SLC35A5: variants seen among roughly 807,000 people sequenced by gnomAD.
The protein encoded by SLC35A5 is solute carrier family 35 member A5, also known as UDP-sugar transporter protein SLC35A5.
Under a neutral mutation model 36.3 loss-of-function variants are expected in SLC35A5, and 28 were observed. The observed-to-expected ratio is 0.77, with a 90% CI of 0.57 to 1.06. SLC35A5 has a LOEUF of 1.06. Ranked by LOEUF, SLC35A5 falls within the 50% of genes least tolerant of loss-of-function variation. The probability of loss-of-function intolerance (pLI) is 0.00; values close to 1 mark genes in which losing one functional copy is unlikely to be tolerated. For synonymous variants in SLC35A5, 180 were observed against 173.7 expected (o/e 1.04, Z -0.29); for missense variants, 521 against 499.3 (o/e 1.04, Z -0.41).
chr3:112,575,946 G>A (rs895942305), intron 5 of SLC35A5, among the ~76,000 whole-genome samples: 3 of 151,814 alleles, frequency 2.0e-5, no homozygotes, highest in Non-Finnish European at 4.4e-5. Context: ...TTTTAGTAGA[G>A]ACAGAGTTTC....
rs988735832 is a variant in SLC35A5 at position 112,573,794 on chromosome 3, A to G, written c.361-95A>G. On this transcript the variant is annotated intron_variant, in intron 4 of 6. Transcript: ENST00000492406. ...TTAATAACCCCTCTGTTTTTTGACC[A>G]AAAAGCTTTTTTTGTCAGGTGAACT... The G allele has an allele frequency of 1.2e-5, 12 of 1,015,560 alleles. No homozygotes were observed. In the African/African-American group the frequency reaches 1.3e-4, roughly 11 times the overall value. 62.9% of individuals were successfully genotyped at this position (1,015,560 alleles called of 1,614,324 possible).
intron 5 of SLC35A5, among the ~76,000 whole-genome samples, chr3:112,574,856 A>C (rs1028344743): frequency 6.6e-6 from 1 of 152,090 alleles, no homozygotes; most frequent in Non-Finnish European, 1.5e-5. Flanking sequence ...TTTTACCCTG[A>C]GGAAACATTT....
chr3:112,576,417 G>A (rs1242528116), intron 5 of SLC35A5, among the ~76,000 whole-genome samples: 3 of 148,306 alleles, frequency 2.0e-5, no homozygotes, highest in African/African-American at 7.5e-5. Context: ...GAGCCACCGC[G>A]TCCAGCCCAT....
intron 2 of SLC35A5, among the ~76,000 whole-genome samples, chr3:112,568,962 C>G (rs1184739880): frequency 3.9e-5 from 6 of 151,962 alleles, no homozygotes; most frequent in African/African-American, 1.5e-4. Context: ...TTAACAAATT[C>G]AAGGATAATA....
In SLC35A5 at chr3:112,569,750, T is replaced by G. The variant is rs535727927; in HGVS notation, c.229+481T>G. Among the ~76,000 whole-genome samples the G allele has an allele frequency of 1.7e-3, 265 of 152,352 alleles. No homozygotes were observed. The Middle Eastern group carries it at 0.02, about 12-fold the overall frequency. ...GGGATACTAATTCCTTTCTCAAATGTAAAGTATATAGCCTTCCATGGAATG... is the reference window on the plus strand; with the variant it reads ...GGGATACTAATTCCTTTCTCAAATGGAAAGTATATAGCCTTCCATGGAATG... On this transcript the variant is annotated intron_variant, in intron 3 of 6. Coordinates refer to ENST00000492406, the MANE Select transcript of SLC35A5 (RefSeq NM_017945.5).
At chr3:112,565,361 C>T (rs1164195511) in intron 2 of SLC35A5, among the ~76,000 whole-genome samples, 1 of 152,140 alleles carries the variant, frequency 6.6e-6, no homozygotes, top group Non-Finnish European at 1.5e-5. Context: ...TCAGTTGATC[C>T]ACTAGAAGTC....
At chr3:112,561,612 G>C (rs553534171), upstream of SLC35A5, 2 of 1,381,192 alleles carry the variant, frequency 1.4e-6, no homozygotes, top group African/African-American at 2.9e-5. Flanking sequence ...AAATGTCCTC[G>C]CTGCCACCGA....
chr3:112,578,948 A>C (rs1185717154), intron 5 of SLC35A5, among the ~76,000 whole-genome samples: 1 of 152,132 alleles, frequency 6.6e-6, no homozygotes, highest in Non-Finnish European at 1.5e-5. Flanking sequence ...CAGAAATTTA[A>C]GTGGTTAGTT....
Position 112,584,091 on chromosome 3 carries a change from A to G in SLC35A5, c.*1355A>G, listed in dbSNP as rs1935052361. 1 of 152,186 alleles carries G rather than the reference A, an allele frequency of 6.6e-6. No individual in the cohort carries two copies. Among genetic ancestry groups the G allele is most frequent in the Non-Finnish European group, 1.5e-5 (1 of 68,022 alleles). The allele number at this position is 152,186 out of a possible 1,614,324, so 9.4% of individuals were successfully genotyped here. ...TATACTATTATATAATTCATTTGTGATATCCACAATAATATGACTGGCAAG... is the reference window on the plus strand; with the variant it reads ...TATACTATTATATAATTCATTTGTGGTATCCACAATAATATGACTGGCAAG... On this transcript the variant is annotated 3_prime_UTR_variant, in exon 7 of 7. Coordinates refer to ENST00000492406, the MANE Select transcript of SLC35A5 (RefSeq NM_017945.5).
intron 1 of SLC35A5, among the ~76,000 whole-genome samples, chr3:112,562,711 A>C (rs941586039): frequency 7.2e-5 from 11 of 152,216 alleles, no homozygotes; most frequent in African/African-American, 2.7e-4. Context: ...TCCGAGGGAA[A>C]AGAGGAGGAA....
intron 2 of SLC35A5, among the ~76,000 whole-genome samples, chr3:112,568,269 T>A (rs567445875): frequency 6.6e-6 from 1 of 152,224 alleles, no homozygotes; most frequent in African/African-American, 2.4e-5. Flanking sequence ...GGATAGACAG[T>A]GTCCACTTGG....
At position 112,581,268 on chromosome 3, in the gene SLC35A5, C is replaced by T; in HGVS notation, c.1151C>T (p.Ala384Val). 6.2e-7 allele frequency: 1 copy of T among 1,613,586 alleles called. No homozygotes were observed. Among genetic ancestry groups the T allele is most frequent in the Non-Finnish European group, 8.5e-7 (1 of 1,179,786 alleles). ...AGCAAGCCTCAAGTTCCGGAATACG[C>T]ACCTAGGCAAGAAAGGATCCGAGAT... ...NASKPQVPEYAPRQERIRDLS... is the reference protein window; with the variant it reads ...NASKPQVPEYVPRQERIRDLS... Residue 384 changes from alanine (A) to valine (V), a missense_variant, in exon 6 of 7, where the codon GCA (alanine) becomes GTA (valine). Coordinates refer to ENST00000492406, the MANE Select transcript of SLC35A5 (RefSeq NM_017945.5).
At chr3:112,561,745 C>G, upstream of SLC35A5, 1 of 549,902 alleles carries the variant, frequency 1.8e-6, no homozygotes. Context: ...TCCTCGCACC[C>G]CAGGCAGCCC....
rs973023965 is a variant in SLC35A5 at position 112,580,876 on chromosome 3, A to C, written c.759A>C (p.Ile253=). The change falls in exon 6 of 7, where the codon ATA becomes ATC. Residue 253 remains isoleucine, a synonymous_variant. Coordinates refer to ENST00000492406, the MANE Select transcript of SLC35A5 (RefSeq NM_017945.5). The part of the protein sequence containing the change: ...SSMANIYNEK[I]LKEGNQLTES... The stretch of plus-strand genomic sequence containing the variant: ...TGGCTAATATCTATAATGAAAAGAT[A>C]CTGAAGGAAGGGAACCAGCTCACTG... The C allele has an allele frequency of 1.4e-5, 23 of 1,614,182 alleles. No homozygotes were observed. The highest frequency in any genetic ancestry group is 1.9e-5 in the Non-Finnish European group (23 of 1,180,002).
At chr3:112,563,578 A>G (rs747069663) in intron 2 of SLC35A5, 45 bp downstream of exon 2, 1 of 1,500,838 alleles carries the variant, frequency 6.7e-7, no homozygotes, top group Non-Finnish European at 9.0e-7. Context: ...CCATCTAATC[A>G]CACATCTCTC....
At chr3:112,576,566 C>T (rs1239771586) in intron 5 of SLC35A5, among the ~76,000 whole-genome samples, 1 of 152,196 alleles carries the variant, frequency 6.6e-6, no homozygotes, top group Non-Finnish European at 1.5e-5. Context: ...ACCCTAACCC[C>T]TGATAACTAC....
At chr3:112,564,607 C>A (rs1934108037) in intron 2 of SLC35A5, among the ~76,000 whole-genome samples, 1 of 152,276 alleles carries the variant, frequency 6.6e-6, no homozygotes, top group Admixed American at 6.5e-5. Context: ...TTTTACTAAT[C>A]CTCCTCAGCA....
chr3:112,562,089 A>G lies in SLC35A5; in HGVS notation c.-204A>G, dbSNP rs571648518. 396 of 158,800 alleles carry G rather than the reference A, an allele frequency of 2.5e-3. 3 individuals are homozygous for G. Among genetic ancestry groups the G allele is most frequent in the African/African-American group, 8.1e-3 (336 of 41,578 alleles). 9.8% of individuals were successfully genotyped at this position (158,800 alleles called of 1,614,324 possible). On this transcript the variant is annotated 5_prime_UTR_variant, in exon 1 of 7. Transcript: ENST00000492406. ...TGGGTGTCGGGTCCGCTTTTTCCCA[A>G]TCCGGACGTAATCGTGGTTTTTGTT...
chr3:112,562,889 G>C (rs1933996270), intron 1 of SLC35A5, among the ~76,000 whole-genome samples: 1 of 151,874 alleles, frequency 6.6e-6, no homozygotes, highest in Admixed American at 6.6e-5. Context: ...GTGAAACCCC[G>C]TCTCTACTAA....
Sources: allele counts gnomAD v4.1 joint callset (sites outside exome capture counted in the v4.1 genomes callset), GRCh38; gene constraint gnomAD v4.1.1; transcripts MANE v1.5; gene names NCBI Gene and HGNC (gene_info 2026-07-23, HGNC 2026-07-21).